PCDHA6: variants seen among roughly 807,000 people sequenced by gnomAD.
The protein encoded by PCDHA6 is protocadherin alpha-6.
A neutral mutation model predicts 60.3 loss-of-function variants in PCDHA6; 55 were observed. The ratio of observed to expected loss-of-function variants is 0.91; its 90% CI spans 0.73 to 1.14. The LOEUF (loss-of-function observed/expected upper bound fraction) is 1.14, where lower values mean the gene tolerates loss of function less well. Ranked by LOEUF, PCDHA6 falls within the 50% of genes most tolerant of loss-of-function variation. The pLI is 0.00. For missense variants in PCDHA6, 1,327 were observed against 1,256.5 expected, an observed-to-expected ratio of 1.06 and a Z score of -0.85; for synonymous variants, 652 against 557.9, an observed-to-expected ratio of 1.17 and a Z score of -2.38.
chr5:140,858,817 G>A (rs1212820522), intron 1 of PCDHA6: 1 of 345,356 alleles, frequency 2.9e-6, no homozygotes, highest in Non-Finnish European at 5.3e-6. Context: ...TGATTTGATT[G>A]TATTTGCATT....
Position 140,884,467 on chromosome 5 carries a change from G to C in PCDHA6, c.2394+53982G>C, listed in dbSNP as rs199814121. 11 of 1,613,778 alleles carry C rather than the reference G, an allele frequency of 6.8e-6. No homozygotes were observed. The South Asian group carries it at 8.8e-5, about 13-fold the overall frequency. On this transcript the variant is annotated intron_variant, in intron 1 of 3. Transcript: ENST00000529310. ...CACCGCCCACCGAGGGCGCGTGCGC[G>C]CCGGGCAAGCCCACTCTAGTGTGCT...
chr5:140,870,521 T>A (rs782364094), intron 1 of PCDHA6: 2 of 1,614,078 alleles, frequency 1.2e-6, no homozygotes, highest in Non-Finnish European at 8.5e-7. Flanking sequence ...GGCTGCCACA[T>A]CTTCACAGTG....
chr5:140,959,347 C>T (rs561977478), intron 1 of PCDHA6, among the ~76,000 whole-genome samples: 4 of 151,938 alleles, frequency 2.6e-5, no homozygotes, highest in Admixed American at 6.6e-5. Context: ...TGCACTCCAG[C>T]GGGACAACTG....
At chr5:140,875,342 A>T in intron 1 of PCDHA6, 1 of 1,443,152 alleles carries the variant, frequency 6.9e-7, no homozygotes, top group Non-Finnish European at 9.1e-7. Flanking sequence ...GATCGACTCC[A>T]TAATGACTGT....
In PCDHA6 at chr5:141,010,220, C is replaced by T. The variant is rs114341618; in HGVS notation, c.*283C>T. ...CTCCTCCGCCGCAAAGGAGAGGCTT[C>T]CCAGCCCCGCCAGTGAGAGGTTGGA... On this transcript the variant is annotated 3_prime_UTR_variant, in exon 4 of 4. Coordinates refer to ENST00000529310, the MANE Select transcript of PCDHA6 (RefSeq NM_018909.4). 2,711 of 1,551,728 alleles carry T rather than the reference C, an allele frequency of 1.7e-3. 46 individuals are homozygous for T. The African/African-American group carries it at 0.034, about 19-fold the overall frequency.
rs1246162498 is a variant in PCDHA6, at chr5:140,856,839, A to G, written c.2394+26354A>G. ...AACCAAACATTAGTAATACGGCTCA[A>G]CGCTTCTGATTCGGATGAAGGAATA... is the stretch of plus-strand genomic sequence containing the variant. On this transcript the variant is annotated intron_variant, in intron 1 of 3. Coordinates refer to ENST00000529310, the MANE Select transcript of PCDHA6 (RefSeq NM_018909.4). 1.3e-6 allele frequency: 2 copies of G among 1,592,670 alleles called. No homozygotes were observed. The highest frequency in any genetic ancestry group is 1.3e-5 in the African/African-American group (1 of 74,342).
chr5:140,870,879 G>T (rs1554164779), intron 1 of PCDHA6: 2 of 1,613,952 alleles, frequency 1.2e-6, no homozygotes, highest in African/African-American at 2.7e-5. Context: ...TGGTGGCGAA[G>T]GTGCGCGCAG....
chr5:140,837,864 A>G (rs1279625431), intron 1 of PCDHA6, among the ~76,000 whole-genome samples: 2 of 151,530 alleles, frequency 1.3e-5, no homozygotes, highest in East Asian at 1.9e-4. Flanking sequence ...ATTTTTGTAG[A>G]GACAGGGTGG....
chr5:140,946,031 G>A (rs1275615718), intron 1 of PCDHA6, among the ~76,000 whole-genome samples: 2 of 151,984 alleles, frequency 1.3e-5, no homozygotes, highest in African/African-American at 2.4e-5. Flanking sequence ...AAGAAAACAA[G>A]AGTGAAGGGA....
intron 3 of PCDHA6, among the ~76,000 whole-genome samples, chr5:141,007,733 C>A (rs2098343034): frequency 6.6e-6 from 1 of 152,180 alleles, no homozygotes; most frequent in African/African-American, 2.4e-5. Flanking sequence ...CAAAGGTTAA[C>A]CACTGAAGAT....
chr5:140,833,497 T>C (rs1189966993), intron 1 of PCDHA6, among the ~76,000 whole-genome samples: 6 of 152,168 alleles, frequency 3.9e-5, no homozygotes, highest in Non-Finnish European at 7.4e-5. Flanking sequence ...ATATTTGAGA[T>C]TGTAAAAATA....
chr5:140,969,363 C>T, intron 1 of PCDHA6: 2 of 1,610,732 alleles, frequency 1.2e-6, no homozygotes, highest in Non-Finnish European at 8.5e-7. Context: ...CTTCTACAAA[C>T]TCATGCATTT....
chr5:140,900,141 A>G (rs2067777266), intron 1 of PCDHA6, among the ~76,000 whole-genome samples: 1 of 152,202 alleles, frequency 6.6e-6, no homozygotes, highest in Middle Eastern at 3.2e-3. Context: ...ACAAATAAGT[A>G]AGAACATACG....
In PCDHA6 at chr5:140,835,502, C is replaced by A. The variant is rs139807581; in HGVS notation, c.2394+5017C>A. The stretch of plus-strand genomic sequence containing the variant: ...CAGGTACCGTCATCACATTGATTAG[C>A]GTGTTTGACCGAGATTTTGGAGTCA... On this transcript the variant is annotated intron_variant, in intron 1 of 3. Transcript: ENST00000529310. 2.5e-6 allele frequency: 4 copies of A among 1,613,806 alleles called. No homozygotes were observed. The highest frequency in any genetic ancestry group is 1.7e-5 in the Admixed American group (1 of 59,986).
intron 1 of PCDHA6, among the ~76,000 whole-genome samples, chr5:140,885,615 AAT>A (rs1411025177): frequency 6.6e-6 from 1 of 152,162 alleles, no homozygotes; most frequent in African/African-American, 2.4e-5. Context: ...TTAATTATAA[AAT>A]ATGTCACTGG....
chr5:140,903,290 G>A (rs1554190896), intron 1 of PCDHA6, among the ~76,000 whole-genome samples: 3 of 152,016 alleles, frequency 2.0e-5, no homozygotes, highest in African/African-American at 7.3e-5. Flanking sequence ...TTGTGCATTA[G>A]GAAATTTAGT....
chr5:140,976,819 T>C (rs1380206599), intron 1 of PCDHA6, among the ~76,000 whole-genome samples: 3 of 152,222 alleles, frequency 2.0e-5, no homozygotes, highest in Admixed American at 2.0e-4. Flanking sequence ...TATGCATGTG[T>C]CTAATGAGCA....
chr5:140,892,608 TA>T (rs1442553538), intron 1 of PCDHA6, among the ~76,000 whole-genome samples: 2 of 152,184 alleles, frequency 1.3e-5, no homozygotes, highest in African/African-American at 4.8e-5. Flanking sequence ...TTTTTCCTTT[TA>T]TTTCCAGTTG....
At chr5:140,999,486 A>G (rs1282748321) in intron 3 of PCDHA6, among the ~76,000 whole-genome samples, 1 of 152,144 alleles carries the variant, frequency 6.6e-6, no homozygotes, top group Non-Finnish European at 1.5e-5. Context: ...ACTCAAGTCT[A>G]TGTTACCCAA....
Sources: gnomAD v4.1 joint callset for allele counts (sites outside exome capture counted in the v4.1 genomes callset) on GRCh38, gnomAD v4.1.1 for gene constraint, MANE v1.5 for transcripts, NCBI Gene and HGNC (gene_info 2026-07-23, HGNC 2026-07-21) for gene names.